LILRB1: variants seen among roughly 807,000 people sequenced by gnomAD.
LILRB1 encodes the protein leukocyte immunoglobulin-like receptor subfamily B member 1.
A neutral mutation model predicts 74.6 loss-of-function variants in LILRB1; 59 were observed. The observed-to-expected ratio is 0.79, with a 90% CI of 0.64 to 0.98. The LOEUF is 0.98. Ranked by LOEUF, LILRB1 falls within the 50% of genes least tolerant of loss-of-function variation. The pLI is 0.00. For synonymous variants in LILRB1, 328 were observed against 333.9 expected (o/e 0.98, Z 0.19); for missense variants, 804 against 822.6 (o/e 0.98, Z 0.28).
intron 1 of LILRB1, among the ~76,000 whole-genome samples, chr19:54,619,762 T>C (rs1321559197): frequency 6.6e-6 from 1 of 152,146 alleles, no homozygotes; most frequent in Admixed American, 6.5e-5. Flanking sequence ...CTGGAAGTGA[T>C]ATTTCACTAC....
At chr19:54,619,537 A>G (rs1286711241) in intron 1 of LILRB1, among the ~76,000 whole-genome samples, 3 of 152,150 alleles carry the variant, frequency 2.0e-5, no homozygotes, top group Non-Finnish European at 4.4e-5. Context: ...TCTTTTTGAA[A>G]TTCTTCCAAT....
intron 9 of LILRB1, 168 bp from the exon 10 acceptor site, chr19:54,634,473 C>T (rs1197331503): frequency 1.5e-5 from 23 of 1,513,150 alleles, no homozygotes; most frequent in Non-Finnish European, 2.0e-5. Flanking sequence ...CGATTCCCCT[C>T]TCTGAGCGTC....
upstream of LILRB1, among the ~76,000 whole-genome samples, chr19:54,616,574 C>T (rs146820303): frequency 1.8e-4 from 28 of 152,230 alleles, no homozygotes; most frequent in East Asian, 5.8e-4. Flanking sequence ...TCCTGAGCCC[C>T]GACCTCCCTT....
intron 7 of LILRB1, 90 bp from the exon 8 acceptor site, chr19:54,633,548 G>A (rs1344365804): frequency 2.3e-6 from 3 of 1,306,208 alleles, no homozygotes; most frequent in Non-Finnish European, 3.2e-6. Flanking sequence ...GGCCTGGGGA[G>A]GCCACAGGTC....
intron 4 of LILRB1, 44 bp downstream of exon 4, chr19:54,631,831 G>A (rs369976080): frequency 1.0e-4 from 168 of 1,608,356 alleles, no homozygotes; most frequent in African/African-American, 4.9e-4. Context: ...TCTGCCCTCA[G>A]GAAGGGGGAC....
upstream of LILRB1, among the ~76,000 whole-genome samples, chr19:54,629,558 C>G (rs1264305543): frequency 6.6e-6 from 1 of 152,166 alleles, no homozygotes; most frequent in African/African-American, 2.4e-5. Context: ...TTTGGAATCC[C>G]AGCAGCTCTG....
rs1206494420 is a variant in LILRB1 at position 54,637,657 on chromosome 19, A to G, written c.*779A>G. On this transcript the variant is annotated 3_prime_UTR_variant, in exon 15 of 15. Transcript: ENST00000324602. Reference sequence around the variant, plus strand: ...GAGGAGTTGTTCATGAGGAAAAACCAAAGCTTGAAAATTCAACAAAGCCAG... The same window carrying G: ...GAGGAGTTGTTCATGAGGAAAAACCGAAGCTTGAAAATTCAACAAAGCCAG... The G allele has an allele frequency of 1.3e-5, 2 of 152,210 alleles. No homozygotes were observed. Among genetic ancestry groups the G allele is most frequent in the African/African-American group, 4.8e-5 (2 of 41,452 alleles). The allele number at this position is 152,210 out of a possible 1,614,324, so 9.4% of individuals were successfully genotyped here.
In LILRB1 at chr19:54,632,131, C is replaced by T. The variant is rs563413923; in HGVS notation, c.555C>T (p.Gly185=). ...CGTCCCGCGCCATCTTCTCCGTGGG[C>T]CCCGTGAGCCCGAGTCGCAGGTGGT... ...RGSSRAIFSV[G]PVSPSRRWWY... The change falls in exon 5 of 15, where the codon GGC becomes GGT. Residue 185 remains glycine (G), a synonymous_variant. Coordinates refer to ENST00000324602, the MANE Select transcript of LILRB1 (RefSeq NM_001081637.3). 1.6e-5 allele frequency: 26 copies of T among 1,614,122 alleles called. No homozygotes were observed. The highest frequency in any genetic ancestry group is 8.9e-5 in the East Asian group (4 of 44,898).
chr19:54,637,669 T>C lies in LILRB1; in HGVS notation c.*791T>C, dbSNP rs1040943073. 2 of 151,278 alleles carry C rather than the reference T, an allele frequency of 1.3e-5. No individual in the cohort carries two copies. Among genetic ancestry groups the C allele is most frequent in the African/African-American group, 4.9e-5 (2 of 41,072 alleles). 9.4% of individuals were successfully genotyped at this position (151,278 alleles called of 1,614,324 possible). ...ATGAGGAAAAACCAAAGCTTGAAAATTCAACAAAGCCAGTGAAGCTCATTC... is the reference window on the plus strand; with the variant it reads ...ATGAGGAAAAACCAAAGCTTGAAAACTCAACAAAGCCAGTGAAGCTCATTC... On this transcript the variant is annotated 3_prime_UTR_variant, in exon 15 of 15. Transcript: ENST00000324602.
At position 54,633,287 on chromosome 19, in the gene LILRB1, C is replaced by T; in HGVS notation, c.1230C>T (p.His410=). ...GCTCCAAACCCTACCTGCTGACTCA[C>T]CCCAGTGACCCCCTGGAGCTCGTGG... ...SQSSKPYLLT[H]PSDPLELVVS... is the part of the protein sequence containing the mutation. Residue 410 remains histidine (H), a synonymous_variant, in exon 7 of 15, where the codon CAC becomes CAT. Transcript: ENST00000324602. 2 of 1,614,082 alleles carry T rather than the reference C, an allele frequency of 1.2e-6. No homozygotes were observed. Among genetic ancestry groups the T allele is most frequent in the Non-Finnish European group, 1.7e-6 (2 of 1,179,940 alleles).
chr19:54,634,287 T>G, intron 9 of LILRB1: 1 of 1,537,970 alleles, frequency 6.5e-7, no homozygotes, highest in South Asian at 1.2e-5. Context: ...CCGTCCCACC[T>G]GCAGCAGAGA....
At position 54,632,108 on chromosome 19, in the gene LILRB1, T is replaced by A; in HGVS notation, c.532T>A (p.Ser178Thr). The A allele has an allele frequency of 6.2e-7, 1 of 1,614,242 alleles. No individual in the cohort carries two copies. Among genetic ancestry groups the A allele is most frequent in the Non-Finnish European group, 8.5e-7 (1 of 1,180,022 alleles). The stretch of plus-strand genomic sequence containing the variant: ...CTCCCAGCCCCATGCCCGTGGGTCG[T>A]CCCGCGCCATCTTCTCCGTGGGCCC... ...LNSQPHARGS[S>T]RAIFSVGPVS... Residue 178 changes from serine (S) to threonine (T), a missense_variant, in exon 5 of 15, where the codon TCC becomes ACC. Ser to Thr is a moderately conservative substitution (Grantham distance 58). Coordinates refer to ENST00000324602, the MANE Select transcript of LILRB1 (RefSeq NM_001081637.3).
At chr19:54,634,863 C>T (rs1295957905) in intron 10 of LILRB1, 100 bp downstream of exon 10, 3 of 1,535,514 alleles carry the variant, frequency 2.0e-6, no homozygotes, top group Admixed American at 3.9e-5. Flanking sequence ...CTTTGAGAAA[C>T]TGTTCCAGCA....
At position 54,631,713 on chromosome 19, in the gene LILRB1, G is replaced by T. The variant is rs200251602; in HGVS notation, c.284G>T (p.Arg95Leu). ...IPSITWEHTGRYRCYYGSDTA... is the reference protein window; with the variant it reads ...IPSITWEHTGLYRCYYGSDTA... ...TCCATCACCTGGGAACACACAGGGCGGTATCGCTGTTACTATGGTAGCGAC... is the reference window on the plus strand; with the variant it reads ...TCCATCACCTGGGAACACACAGGGCTGTATCGCTGTTACTATGGTAGCGAC... Residue 95 changes from arginine to leucine, a missense_variant, in exon 4 of 15, where the codon CGG (arginine) becomes CTG (leucine). Transcript: ENST00000324602. 4 of 1,614,204 alleles carry T rather than the reference G, an allele frequency of 2.5e-6. No individual in the cohort carries two copies. The South Asian group carries it at 3.3e-5, about 13-fold the overall frequency.
At chr19:54,620,381 G>T (rs1482048777) in intron 1 of LILRB1, among the ~76,000 whole-genome samples, 1 of 152,012 alleles carries the variant, frequency 6.6e-6, no homozygotes, top group Non-Finnish European at 1.5e-5. Context: ...TTGAGATGGA[G>T]TCTTGCTCTG....
rs1171595571 is a variant in LILRB1 at position 54,633,295 on chromosome 19, A to G, written c.1238A>G (p.Asp413Gly). 6.2e-7 allele frequency: 1 copy of G among 1,613,140 alleles called. No homozygotes were observed. The highest frequency in any genetic ancestry group is 1.3e-5 in the African/African-American group (1 of 74,702). The change falls in exon 7 of 15, where the codon GAC becomes GGC. Residue 413 changes from aspartate to glycine, a missense_variant. Asp to Gly is a moderately conservative substitution (Grantham distance 94). Transcript: ENST00000324602. ...SKPYLLTHPS[D>G]PLELVVSGPS... is the part of the protein sequence containing the mutation. ...CCCTACCTGCTGACTCACCCCAGTGACCCCCTGGAGCTCGTGGTCTCAGGT... is the reference window on the plus strand; with the variant it reads ...CCCTACCTGCTGACTCACCCCAGTGGCCCCCTGGAGCTCGTGGTCTCAGGT...
chr19:54,635,765 T>C (rs1231197826), intron 13 of LILRB1, 156 bp downstream of exon 13: 2 of 902,646 alleles, frequency 2.2e-6, no homozygotes, highest in African/African-American at 1.6e-5. Context: ...GACCTCACTC[T>C]CTCCTGCTGT....
In LILRB1 at chr19:54,621,828, T is replaced by C. The variant is rs1056718543; in HGVS notation, c.-166+4479T>C. Among the ~76,000 whole-genome samples, 44 of 152,210 alleles carry C rather than the reference T, an allele frequency of 2.9e-4. 1 individual carries two copies. The highest frequency in any genetic ancestry group is 6.2e-4 in the South Asian group (3 of 4,830). On this transcript the variant is annotated intron_variant, in intron 1 of 15. Transcript: ENST00000396331. ...GAATTACATAGTTTCAGGTCTCACA[T>C]TGAGGTCTTTAATTCATCTTGAGTT...
rs999220568 is a variant in LILRB1, at chr19:54,633,136, AG to A, written c.1084del (p.Ala362GlnfsTer8). 1.2e-6 allele frequency: 2 copies of A among 1,614,160 alleles called. No individual in the cohort carries two copies. Among genetic ancestry groups the A allele is most frequent in the African/African-American group, 2.7e-5 (2 of 74,960 alleles). On this transcript the variant is annotated frameshift_variant, in exon 7 of 15. Transcript: ENST00000324602. LOFTEE classifies it high-confidence loss of function. Reference sequence around the variant, plus strand: ...ATGCAAACTTTCCTTCTGACCAAGGAGGGGGCAGCTGATGACCCATGGCGTC... The same window carrying A: ...ATGCAAACTTTCCTTCTGACCAAGGAGGGGCAGCTGATGACCCATGGCGTC... ...GWMQTFLLTKEGAADDPWRLR... is the reference protein window; with the variant it reads ...GWMQTFLLTKXGAADDPWRLR...
Sources: allele counts gnomAD v4.1 joint callset (sites outside exome capture counted in the v4.1 genomes callset), GRCh38; gene constraint gnomAD v4.1.1; transcripts MANE v1.5; gene names NCBI Gene and HGNC (gene_info 2026-07-23, HGNC 2026-07-21).